MYO5A: variants seen among roughly 807,000 people sequenced by gnomAD.
MYO5A encodes myosin VA.
Under a neutral mutation model 249.7 loss-of-function variants are expected in MYO5A, and 98 were observed. The observed-to-expected ratio is 0.39, with a 90% CI of 0.33 to 0.46. The LOEUF is 0.46. MYO5A is among the 20% of genes least tolerant of loss of function. MYO5A has a pLI of 0.98. For synonymous variants in MYO5A, 778 were observed against 810.6 expected (o/e 0.96, Z 0.68); for missense variants, 1,696 against 2,308.8 (o/e 0.73, Z 5.44).
chr15:52,503,602 G>GC (rs11420366), intron 1 of MYO5A, among the ~76,000 whole-genome samples: 101,009 of 151,688 alleles, frequency 0.67, 35,758 homozygotes, highest in Non-Finnish European at 0.76. Flanking sequence ...TTGCACACCA[G>GC]CCTGGGTGAC....
At chr15:52,328,069 AGATAT>A in intron 35 of MYO5A, 63 bp from the exon 36 acceptor site, 2 of 1,351,784 alleles carry the variant, frequency 1.5e-6, no homozygotes, top group Non-Finnish European at 2.1e-6. Context: ...ATGCATTGTG[AGATAT>A]AAAAACACAG....
chr15:52,352,784 AAAAG>A (rs1315549676), intron 27 of MYO5A, among the ~76,000 whole-genome samples: 2 of 151,838 alleles, frequency 1.3e-5, no homozygotes, highest in African/African-American at 4.9e-5. Context: ...CTCCATTTCA[AAAAG>A]AAAAAAGAAA....
chr15:52,370,431 C>T lies in MYO5A; in HGVS notation c.2818-14G>A, dbSNP rs1176956429. Reference sequence around the variant, plus strand: ...GTAGTCTTTGTTCTTTAAACATACACATAAGTAACAATAAGTAAATACACA... The same window carrying T: ...GTAGTCTTTGTTCTTTAAACATACATATAAGTAACAATAAGTAAATACACA... On this transcript the variant is annotated splice_polypyrimidine_tract_variant and intron_variant, in intron 21 of 41. Transcript: ENST00000399233. The T allele has an allele frequency of 6.2e-7, 1 of 1,601,146 alleles. No individual in the cohort carries two copies. Among genetic ancestry groups the T allele is most frequent in the East Asian group, 2.2e-5 (1 of 44,804 alleles).
intron 6 of MYO5A, 67 bp downstream of exon 6, chr15:52,410,266 G>A: frequency 8.6e-6 from 13 of 1,507,668 alleles, no homozygotes; most frequent in Non-Finnish European, 1.2e-5. Context: ...ATGCATACCA[G>A]CAAGCATGGA....
chr15:52,326,546 T>G (rs1016829382), intron 36 of MYO5A, among the ~76,000 whole-genome samples: 6 of 152,068 alleles, frequency 3.9e-5, no homozygotes, highest in African/African-American at 1.2e-4. Flanking sequence ...TCCCCAGGGC[T>G]GAGGGAGGGA....
At chr15:52,422,756 A>G (rs1221768305) in intron 4 of MYO5A, among the ~76,000 whole-genome samples, 1 of 152,006 alleles carries the variant, frequency 6.6e-6, no homozygotes, top group East Asian at 1.9e-4. Context: ...TTGCTCTGTC[A>G]CCCAGGCAGG....
intron 24 of MYO5A, among the ~76,000 whole-genome samples, chr15:52,360,363 T>G (rs564844641): frequency 1.6e-4 from 24 of 152,348 alleles, no homozygotes; most frequent in Middle Eastern, 6.8e-3. Context: ...TTGAAAGCTT[T>G]GAGCGGTCAG....
chr15:52,442,758 CTTTTT>C (rs57527294), intron 1 of MYO5A, among the ~76,000 whole-genome samples: 1 of 140,992 alleles, frequency 7.1e-6, no homozygotes, highest in Non-Finnish European at 1.5e-5. Context: ...CAGTTTTTTT[CTTTTT>C]TTTTTTTTTT....
intron 28 of MYO5A, 61 bp downstream of exon 28, chr15:52,351,193 G>T: frequency 1.6e-6 from 2 of 1,255,264 alleles, no homozygotes; most frequent in Non-Finnish European, 2.3e-6. Flanking sequence ...TGGAGGGAAG[G>T]GATAAGAAGA....
chr15:52,373,526 A>G (rs773425839), intron 20 of MYO5A, among the ~76,000 whole-genome samples: 2 of 151,364 alleles, frequency 1.3e-5, no homozygotes, highest in Non-Finnish European at 2.9e-5. Flanking sequence ...AGACCCCCCC[A>G]CTCCAAATCT....
chr15:52,333,132 G>A (rs1442336992), intron 34 of MYO5A, among the ~76,000 whole-genome samples: 1 of 152,142 alleles, frequency 6.6e-6, no homozygotes. Flanking sequence ...TGACCCTTCA[G>A]AACTGTGAGA....
intron 6 of MYO5A, among the ~76,000 whole-genome samples, chr15:52,408,613 A>G (rs1324446820): frequency 1.3e-5 from 2 of 152,192 alleles, no homozygotes. Context: ...CTTCTATATC[A>G]TTTTAGTTTA....
At chr15:52,478,452 G>A (rs1614200) in intron 1 of MYO5A, among the ~76,000 whole-genome samples, 118,746 of 152,006 alleles carry the variant, frequency 0.78, 46,947 homozygotes, top group South Asian at 0.85. Flanking sequence ...CCAGTGAGAT[G>A]AACCCGGTAC....
At chr15:52,515,577 A>G (rs1762408667) in intron 1 of MYO5A, among the ~76,000 whole-genome samples, 1 of 152,246 alleles carries the variant, frequency 6.6e-6, no homozygotes, top group South Asian at 2.1e-4. Context: ...CCTATGAAGT[A>G]AGTATTATGC....
chr15:52,389,727 TG>T (rs2042132887), intron 12 of MYO5A, among the ~76,000 whole-genome samples: 1 of 152,090 alleles, frequency 6.6e-6, no homozygotes, highest in Non-Finnish European at 1.5e-5. Context: ...CCAAGGCAGG[TG>T]GATCACCTGA....
chr15:52,494,148 C>A (rs372976575), intron 1 of MYO5A, among the ~76,000 whole-genome samples: 1 of 152,182 alleles, frequency 6.6e-6, no homozygotes, highest in Non-Finnish European at 1.5e-5. Flanking sequence ...GAAGGAAATA[C>A]ATGTTTATCA....
intron 1 of MYO5A, among the ~76,000 whole-genome samples, chr15:52,504,477 T>G (rs2077224592): frequency 6.6e-6 from 1 of 152,208 alleles, no homozygotes; most frequent in Admixed American, 6.5e-5. Flanking sequence ...GCTGTCATAT[T>G]CCCATATTAC....
intron 21 of MYO5A, among the ~76,000 whole-genome samples, chr15:52,370,870 T>G (rs1453265640): frequency 6.6e-6 from 1 of 152,100 alleles, no homozygotes; most frequent in Non-Finnish European, 1.5e-5. Context: ...CTCAACACTT[T>G]GGGAGGCCAA....
intron 1 of MYO5A, among the ~76,000 whole-genome samples, chr15:52,445,794 C>G (rs1277569658): frequency 2.0e-5 from 3 of 152,156 alleles, no homozygotes. Flanking sequence ...CCTAGGGGAT[C>G]TGTGGAACTG....
Sources: gnomAD v4.1 joint callset for allele counts (sites outside exome capture counted in the v4.1 genomes callset) on GRCh38, gnomAD v4.1.1 for gene constraint, MANE v1.5 for transcripts, NCBI Gene and HGNC (gene_info 2026-07-23, HGNC 2026-07-21) for gene names.